Variants in ROCK2 observed in about 807,000 individuals in gnomAD.
ROCK2 encodes the protein Rho associated coiled-coil containing protein kinase 2.
Under a neutral mutation model 195.1 loss-of-function variants are expected in ROCK2, and 61 were observed. The observed-to-expected ratio is 0.31, with a 90% CI of 0.25 to 0.39. The LOEUF (loss-of-function observed/expected upper bound fraction) is 0.39, where lower values mean the gene tolerates loss of function less well. Ranked by LOEUF, ROCK2 falls within the 10% of genes least tolerant of loss-of-function variation. The probability of loss-of-function intolerance (pLI) is 1.00; values close to 1 mark genes in which losing one functional copy is unlikely to be tolerated. For synonymous variants in ROCK2, 504 were observed against 545.5 expected, an observed-to-expected ratio of 0.92 and a Z score of 1.06; for missense variants, 1,109 against 1,637.4, an observed-to-expected ratio of 0.68 and a Z score of 5.57.
Position 11,218,486 on chromosome 2 carries a change from A to C in ROCK2, c.1321-20T>G. On this transcript the variant is annotated intron_variant, in intron 10 of 32. Transcript: ENST00000315872. ...ACTTTCCTATTTAAAACAAAACAGAAAACACATTAAAATACTAAAATGATG... is the reference window on the plus strand; with the variant it reads ...ACTTTCCTATTTAAAACAAAACAGACAACACATTAAAATACTAAAATGATG... 2 of 1,472,768 alleles carry C rather than the reference A, an allele frequency of 1.4e-6. No individual in the cohort carries two copies. Among genetic ancestry groups the C allele is most frequent in the East Asian group, 2.3e-5 (1 of 43,704 alleles). The allele number at this position is 1,472,768 out of a possible 1,614,324, so 91.2% of individuals were successfully genotyped here.
intron 3 of ROCK2, among the ~76,000 whole-genome samples, chr2:11,270,551 C>T (rs902179148): frequency 7.2e-5 from 11 of 152,080 alleles, no homozygotes; most frequent in African/African-American, 2.4e-5. Context: ...TTCAGTCTTC[C>T]CTCTACATGC....
At chr2:11,301,778 C>CA (rs70953386) in intron 1 of ROCK2, among the ~76,000 whole-genome samples, 112 of 129,590 alleles carry the variant, frequency 8.6e-4, no homozygotes, top group African/African-American at 2.5e-3. Context: ...AACGCCGCCT[C>CA]AAAAAAAAAA....
At chr2:11,200,106 A>C (rs943060174) in intron 23 of ROCK2, among the ~76,000 whole-genome samples, 9 of 152,138 alleles carry the variant, frequency 5.9e-5, no homozygotes, top group Non-Finnish European at 1.3e-4. Flanking sequence ...ATGCTTATAT[A>C]TTTAGGTTTT....
chr2:11,210,816 A>G (rs1664223692), intron 18 of ROCK2, among the ~76,000 whole-genome samples: 1 of 152,156 alleles, frequency 6.6e-6, no homozygotes, highest in African/African-American at 2.4e-5. Context: ...TTACAATTAG[A>G]TTTTTGTAAA....
chr2:11,181,648 T>G lies in ROCK2; in HGVS notation c.*1789A>C, dbSNP rs1662998394. On this transcript the variant is annotated 3_prime_UTR_variant, in exon 33 of 33. Transcript: ENST00000315872. ...TTAGATGACTTTTTTTTTTTTTTTT[T>G]TTTGAGACGGAGTCTTGTTCAGCTG... 1 of 150,920 alleles carries G rather than the reference T, an allele frequency of 6.6e-6. No individual in the cohort carries two copies. Among genetic ancestry groups the G allele is most frequent in the African/African-American group, 2.4e-5 (1 of 40,996 alleles). 9.3% of individuals were successfully genotyped at this position (150,920 alleles called of 1,614,324 possible).
At chr2:11,194,381 G>A (rs763796245) in intron 28 of ROCK2, 37 bp from the exon 29 acceptor site, 36 of 795,034 alleles carry the variant, frequency 4.5e-5, no homozygotes, top group Non-Finnish European at 7.0e-5. Context: ...AGTAATTCAA[G>A]TTTTTATATA....
At chr2:11,295,992 A>AGAGAGGG (rs1667510750) in intron 1 of ROCK2, among the ~76,000 whole-genome samples, 1 of 28,376 alleles carries the variant, frequency 3.5e-5, no homozygotes, top group Non-Finnish European at 7.5e-5. Flanking sequence ...GAGAGAGAGG[A>AGAGAGGG]GAGAGAGAGA....
chr2:11,240,419 A>C (rs1485978360), intron 4 of ROCK2, among the ~76,000 whole-genome samples: 1 of 152,244 alleles, frequency 6.6e-6, no homozygotes, highest in Non-Finnish European at 1.5e-5. Flanking sequence ...CATACAATGG[A>C]ATACTATTCA....
At chr2:11,328,296 T>C (rs999166936) in intron 1 of ROCK2, among the ~76,000 whole-genome samples, 3 of 151,878 alleles carry the variant, frequency 2.0e-5, no homozygotes, top group African/African-American at 4.9e-5. Context: ...CCAAATAATA[T>C]GCTACATTTG....
intron 1 of ROCK2, among the ~76,000 whole-genome samples, chr2:11,291,616 G>A (rs756317770): frequency 9.2e-5 from 14 of 152,040 alleles, no homozygotes; most frequent in Non-Finnish European, 1.9e-4. Context: ...AATAAAAGGA[G>A]ATTGGAAATA....
chr2:11,212,601 A>G (rs1343042708), intron 17 of ROCK2, among the ~76,000 whole-genome samples: 1 of 151,646 alleles, frequency 6.6e-6, no homozygotes, highest in African/African-American at 2.4e-5. Context: ...TACTCCTCCT[A>G]TTTTCTACAT....
intron 12 of ROCK2, among the ~76,000 whole-genome samples, chr2:11,216,510 TTTTC>T (rs1664434168): frequency 6.8e-6 from 1 of 146,334 alleles, no homozygotes; most frequent in Non-Finnish European, 1.5e-5. Context: ...TTTCTTTCTT[TTTTC>T]TTTTTTTTTT....
intron 1 of ROCK2, among the ~76,000 whole-genome samples, chr2:11,339,590 G>A (rs926988051): frequency 4.6e-5 from 7 of 151,156 alleles, no homozygotes; most frequent in East Asian, 1.9e-4. Context: ...TAAGTAGATC[G>A]GAGCTATACT....
intron 3 of ROCK2, among the ~76,000 whole-genome samples, chr2:11,255,602 G>T (rs750724086): frequency 2.6e-5 from 4 of 150,944 alleles, no homozygotes; most frequent in Admixed American, 6.6e-5. Flanking sequence ...CTTAATGAGT[G>T]AATAGAAGTA....
chr2:11,313,249 C>A (rs1668091630), intron 1 of ROCK2, among the ~76,000 whole-genome samples: 1 of 151,964 alleles, frequency 6.6e-6, no homozygotes. Context: ...ACCTCTGTAC[C>A]ATCTGCTTAA....
chr2:11,184,473 A>T (rs1268076890), intron 32 of ROCK2, among the ~76,000 whole-genome samples: 1 of 152,206 alleles, frequency 6.6e-6, no homozygotes, highest in Non-Finnish European at 1.5e-5. Context: ...TATAGCCAAT[A>T]AAGAATCTGA....
rs1663130786 is a variant in ROCK2 at position 11,184,775 on chromosome 2, A to G, written c.4164-1335T>C. The G allele has an allele frequency of 7.1e-6, 7 of 983,290 alleles. No individual in the cohort carries two copies. The South Asian group carries it at 2.8e-4, about 40-fold the overall frequency. The allele number at this position is 983,290 out of a possible 1,614,324, so 60.9% of individuals were successfully genotyped here. On this transcript the variant is annotated intron_variant, in intron 32 of 32. Transcript: ENST00000315872. The stretch of plus-strand genomic sequence containing the variant: ...TAAATGCCAAATCAAGCAATCTGCA[A>G]TAGGAGGTTTGTAAATTTATACTCT...
intron 6 of ROCK2, 104 bp downstream of exon 6, chr2:11,227,150 T>TC: frequency 9.3e-7 from 1 of 1,076,754 alleles, no homozygotes; most frequent in Non-Finnish European, 1.3e-6. Context: ...ATCTAATTCT[T>TC]CCCTACGACA....
At chr2:11,317,848 G>A (rs939706854) in intron 1 of ROCK2, among the ~76,000 whole-genome samples, 1 of 150,370 alleles carries the variant, frequency 6.7e-6, no homozygotes, top group Non-Finnish European at 1.5e-5. Context: ...TCTCACCTAC[G>A]AGTGAGAATA....
Sources: allele counts gnomAD v4.1 joint callset (sites outside exome capture counted in the v4.1 genomes callset), GRCh38; gene constraint gnomAD v4.1.1; transcripts MANE v1.5; gene names NCBI Gene and HGNC (gene_info 2026-07-23, HGNC 2026-07-21).